The following TFEC variants were observed in gnomAD, a reference collection of about 807,000 sequenced individuals.
The protein encoded by TFEC is transcription factor EC, also known as class E basic helix-loop-helix protein 34.
TFEC carries 31 observed loss-of-function variants against 41.6 expected under a neutral mutation model. The observed-to-expected ratio is 0.74, with a 90% confidence interval of 0.56 to 1.01. The LOEUF (loss-of-function observed/expected upper bound fraction) is 1.01, where lower values mean the gene tolerates loss of function less well. Among genes scored for constraint, TFEC ranks in the 50% least tolerant of loss-of-function variants. The probability of loss-of-function intolerance (pLI) is 0.00; values close to 1 mark genes in which losing one functional copy is unlikely to be tolerated. For missense variants in TFEC, 402 were observed against 404.1 expected (o/e 0.99, Z 0.04); for synonymous variants, 143 against 140.6 (o/e 1.02, Z -0.12).
chr7:116,098,262 C>A lies in TFEC; in HGVS notation c.198+12446G>T, dbSNP rs150067781. Among the ~76,000 whole-genome samples, 4 of 151,960 alleles carry A rather than the reference C, an allele frequency of 2.6e-5. No individual in the cohort carries two copies. In the South Asian group the frequency reaches 8.3e-4, roughly 32 times the overall value. ...GCAACCTCCCTCTCCCGGGTGCAAG[C>A]GATTCTCCTGCCTCAGTCTCCCGAG... On this transcript the variant is annotated intron_variant, in intron 3 of 8. Coordinates refer to the TFEC transcript ENST00000484212.
At chr7:116,052,990 T>C (rs1796349045) in intron 3 of TFEC, among the ~76,000 whole-genome samples, 1 of 151,830 alleles carries the variant, frequency 6.6e-6, no homozygotes. Flanking sequence ...GAGAACGGCA[T>C]GAACCTGGGA....
intron 3 of TFEC, among the ~76,000 whole-genome samples, chr7:115,969,181 G>A (rs887138173): frequency 6.6e-6 from 1 of 151,712 alleles, no homozygotes; most frequent in Non-Finnish European, 1.5e-5. Context: ...ACTATGCTGG[G>A]TACTAACAAC....
intron 1 of TFEC, among the ~76,000 whole-genome samples, chr7:116,143,166 C>G (rs534488918): frequency 3.9e-5 from 6 of 152,258 alleles, no homozygotes; most frequent in African/African-American, 1.4e-4. Flanking sequence ...GGACAATTGC[C>G]TTGAACCAGA....
At chr7:115,979,897 A>G (rs1050752070) in intron 2 of TFEC, among the ~76,000 whole-genome samples, 3 of 152,156 alleles carry the variant, frequency 2.0e-5, no homozygotes, top group Non-Finnish European at 4.4e-5. Context: ...CTATAACTAA[A>G]TTGCACTGTA....
chr7:115,985,590 A>C (rs939074221), intron 1 of TFEC, among the ~76,000 whole-genome samples: 2 of 152,120 alleles, frequency 1.3e-5, no homozygotes, highest in Admixed American at 1.3e-4. Context: ...GCCTCTACAA[A>C]GTATTTTGCA....
intron 1 of TFEC, among the ~76,000 whole-genome samples, chr7:116,001,511 A>C (rs1332993897): frequency 2.6e-5 from 4 of 151,448 alleles, no homozygotes; most frequent in South Asian, 2.1e-4. Context: ...AAAAAAAAAC[A>C]ACCAACAAAC....
At chr7:116,052,084 C>G (rs1796325776) in intron 3 of TFEC, among the ~76,000 whole-genome samples, 1 of 150,448 alleles carries the variant, frequency 6.6e-6, no homozygotes, top group African/African-American at 2.5e-5. Context: ...ATCCATCAGA[C>G]AGGAGGGGAT....
exon 1 of TFEC, chr7:116,159,867 TTC>T (rs1170560267): frequency 6.6e-6 from 1 of 152,136 alleles, no homozygotes; most frequent in Non-Finnish European, 1.5e-5. Context: ...AGCATTATCT[TTC>T]TGTTTACTCC....
At chr7:115,973,109 T>C (rs1290575194) in intron 3 of TFEC, among the ~76,000 whole-genome samples, 1 of 151,912 alleles carries the variant, frequency 6.6e-6, no homozygotes. Flanking sequence ...AAAAAAATCC[T>C]GCAACAAAAA....
chr7:115,946,230 G>C (rs923045444), intron 6 of TFEC, among the ~76,000 whole-genome samples: 1 of 150,988 alleles, frequency 6.6e-6, no homozygotes, highest in African/African-American at 2.4e-5. Context: ...GTTTGGAGTA[G>C]AGTCTAAATT....
intron 3 of TFEC, among the ~76,000 whole-genome samples, chr7:116,056,811 C>T (rs1218486287): frequency 6.6e-6 from 1 of 151,834 alleles, no homozygotes; most frequent in South Asian, 2.1e-4. Context: ...AATGATCAGG[C>T]ATACAAAGAA....
At chr7:116,004,207 T>A (rs1220967921) in intron 1 of TFEC, among the ~76,000 whole-genome samples, 1 of 151,864 alleles carries the variant, frequency 6.6e-6, no homozygotes, top group Non-Finnish European at 1.5e-5. Context: ...TTTGAAAAGA[T>A]CAATAAAATT....
intron 3 of TFEC, among the ~76,000 whole-genome samples, chr7:116,040,381 T>C (rs1796007359): frequency 6.6e-6 from 1 of 152,180 alleles, no homozygotes; most frequent in Non-Finnish European, 1.5e-5. Flanking sequence ...CATTTTCTAT[T>C]AACAAGTTTT....
intron 3 of TFEC, among the ~76,000 whole-genome samples, chr7:116,098,982 A>C (rs1026139872): frequency 6.6e-6 from 1 of 152,198 alleles, no homozygotes. Flanking sequence ...CTTCAGCAAA[A>C]TACTGGCAAA....
intron 1 of TFEC, among the ~76,000 whole-genome samples, chr7:116,127,316 C>G (rs958328556): frequency 6.6e-6 from 1 of 152,108 alleles, no homozygotes; most frequent in African/African-American, 2.4e-5. Flanking sequence ...ATCTCCTGAC[C>G]TCGTAATCCC....
intron 1 of TFEC, among the ~76,000 whole-genome samples, chr7:116,029,276 A>G (rs994690608): frequency 6.6e-6 from 1 of 152,188 alleles, no homozygotes; most frequent in African/African-American, 2.4e-5. Flanking sequence ...AAAACTTCTT[A>G]AAAGGAGATC....
intron 1 of TFEC, among the ~76,000 whole-genome samples, chr7:116,123,577 G>A (rs1188335363): frequency 6.6e-6 from 1 of 151,906 alleles, no homozygotes; most frequent in African/African-American, 2.4e-5. Flanking sequence ...ATCAAGCCTG[G>A]TCTAACCCGC....
chr7:115,998,089 T>C (rs1253492734), intron 1 of TFEC, among the ~76,000 whole-genome samples: 3 of 151,972 alleles, frequency 2.0e-5, no homozygotes, highest in African/African-American at 7.3e-5. Flanking sequence ...AAGATATCAA[T>C]ATTCAAGCAC....
chr7:115,978,694 G>A (rs1584627523), intron 2 of TFEC, among the ~76,000 whole-genome samples: 1 of 152,230 alleles, frequency 6.6e-6, no homozygotes, highest in East Asian at 1.9e-4. Flanking sequence ...TCTTTGCCAA[G>A]TTCAACAGAT....
Sources: gnomAD v4.1 joint callset for allele counts (sites outside exome capture counted in the v4.1 genomes callset) on GRCh38, gnomAD v4.1.1 for gene constraint, MANE v1.5 for transcripts, NCBI Gene and HGNC (gene_info 2026-07-23, HGNC 2026-07-21) for gene names.